The following TMEM178B variants were observed in gnomAD, a reference collection of about 807,000 sequenced individuals.
TMEM178B encodes the protein transmembrane protein 178B.
In TMEM178B, 5 loss-of-function variants were observed where a neutral mutation model predicts 31.0. The ratio of observed to expected loss-of-function variants is 0.16; its 90% CI spans 0.08 to 0.34. The LOEUF (loss-of-function observed/expected upper bound fraction) is 0.34. Ranked by LOEUF, TMEM178B falls within the 10% of genes least tolerant of loss-of-function variation. The probability of loss-of-function intolerance (pLI) is 1.00; values close to 1 mark genes in which losing one functional copy is unlikely to be tolerated. For synonymous variants in TMEM178B, 164 were observed against 164.0 expected, an observed-to-expected ratio of 1.00 and a Z score of 0.00; for missense variants, 275 against 400.3, an observed-to-expected ratio of 0.69 and a Z score of 2.67.
chr7:141,297,756 C>T (rs1163150016), intron 2 of TMEM178B, among the ~76,000 whole-genome samples: 1 of 152,138 alleles, frequency 6.6e-6, no homozygotes, highest in African/African-American at 2.4e-5. Context: ...CAGTCTATCA[C>T]TGATGGACAT....
chr7:141,429,190 C>G (rs1160217576), intron 2 of TMEM178B, among the ~76,000 whole-genome samples: 1 of 152,106 alleles, frequency 6.6e-6, no homozygotes, highest in African/African-American at 2.4e-5. Context: ...AAATTGAAAT[C>G]AGTATGTTAA....
At chr7:141,137,621 G>A (rs1795696744) in intron 1 of TMEM178B, among the ~76,000 whole-genome samples, 1 of 152,110 alleles carries the variant, frequency 6.6e-6, no homozygotes, top group South Asian at 2.1e-4. Context: ...TAATAGGGTG[G>A]CTATAGTTAA....
chr7:141,289,967 C>A lies in TMEM178B; in HGVS notation c.496+77263C>A, dbSNP rs140043012. Among the ~76,000 whole-genome samples, 4 of 151,658 alleles carry A rather than the reference C, an allele frequency of 2.6e-5. No individual in the cohort carries two copies. The East Asian group carries it at 7.8e-4, about 29-fold the overall frequency. ...GACCAGCCTGGGCAACATAGTGAGA[C>A]CTTGTCTCTCCTCCCCGCAACAAAA... On this transcript the variant is annotated intron_variant, in intron 2 of 3. Transcript: ENST00000565468.
At chr7:141,282,288 G>T (rs1208927637) in intron 2 of TMEM178B, among the ~76,000 whole-genome samples, 1 of 152,216 alleles carries the variant, frequency 6.6e-6, no homozygotes, top group Non-Finnish European at 1.5e-5. Flanking sequence ...TTTGCCAATT[G>T]TGAGGCTTCT....
rs924765250 is a variant in TMEM178B at position 141,288,205 on chromosome 7, T to C, written c.496+75501T>C. 5.0e-5 allele frequency among the ~76,000 whole-genome samples: 7 copies of C among 140,248 alleles called. 1 individual carries two copies. The highest frequency in any genetic ancestry group is 4.4e-4 in the South Asian group (2 of 4,538). The allele number at this position is 140,248 out of a possible 152,430, so 92.0% of individuals were successfully genotyped here. On this transcript the variant is annotated intron_variant, in intron 2 of 3. Coordinates refer to ENST00000565468, the MANE Select transcript of TMEM178B (RefSeq NM_001195278.2). The stretch of plus-strand genomic sequence containing the variant: ...TTAGATGCCTCTACTCTTTTTTTTT[T>C]TCCCCCTCTGGGATTGTTTGTGATT...
intron 2 of TMEM178B, among the ~76,000 whole-genome samples, chr7:141,316,454 A>G (rs918317563): frequency 6.6e-6 from 1 of 152,190 alleles, no homozygotes; most frequent in Non-Finnish European, 1.5e-5. Flanking sequence ...ATTCTAAGTC[A>G]GAGAGTTGAT....
At chr7:141,234,241 C>T (rs1797492670) in intron 2 of TMEM178B, among the ~76,000 whole-genome samples, 1 of 152,122 alleles carries the variant, frequency 6.6e-6, no homozygotes, top group South Asian at 2.1e-4. Context: ...CAATAAAGGG[C>T]ACATTGGGGC....
At position 141,477,387 on chromosome 7, in the gene TMEM178B, G is replaced by A. The variant is rs1425453054; in HGVS notation, c.*6601G>A. 1 of 153,034 alleles carries A rather than the reference G, an allele frequency of 6.5e-6. No individual in the cohort carries two copies. Among genetic ancestry groups the A allele is most frequent in the African/African-American group, 2.4e-5 (1 of 41,438 alleles). 9.5% of individuals were successfully genotyped at this position (153,034 alleles called of 1,614,324 possible). A position where few individuals can be genotyped will look rare whatever the true frequency, so the allele number is the denominator to read the frequency against. ...CGGCCCTAAAATCCTGAGTTAGGGT[G>A]GGATATGAAGGGAGGGATACCATTG... On this transcript the variant is annotated 3_prime_UTR_variant, in exon 4 of 4. Transcript: ENST00000565468.
chr7:141,260,970 G>A (rs1798003455), intron 2 of TMEM178B, among the ~76,000 whole-genome samples: 1 of 152,118 alleles, frequency 6.6e-6, no homozygotes, highest in Admixed American at 6.6e-5. Flanking sequence ...AGGCTTTATG[G>A]TAAGAAAGCT....
intron 2 of TMEM178B, among the ~76,000 whole-genome samples, chr7:141,226,662 G>A (rs943332599): frequency 6.6e-6 from 1 of 151,940 alleles, no homozygotes; most frequent in African/African-American, 2.4e-5. Context: ...AGACCAGCCT[G>A]GTCAATATGC....
intron 2 of TMEM178B, among the ~76,000 whole-genome samples, chr7:141,315,617 A>G (rs1433258688): frequency 1.3e-5 from 2 of 152,198 alleles, no homozygotes; most frequent in Non-Finnish European, 2.9e-5. Flanking sequence ...ACTTTCTGGT[A>G]TCTTTTGCAT....
chr7:141,146,366 C>T (rs372700717), intron 1 of TMEM178B, among the ~76,000 whole-genome samples: 21 of 152,256 alleles, frequency 1.4e-4, no homozygotes, highest in African/African-American at 5.1e-4. Context: ...TAGTGGCCTG[C>T]GAATTACTCT....
At chr7:141,262,764 G>A (rs1798034697) in intron 2 of TMEM178B, among the ~76,000 whole-genome samples, 1 of 152,078 alleles carries the variant, frequency 6.6e-6, no homozygotes, top group African/African-American at 2.4e-5. Context: ...GTAAGTGACT[G>A]ATACAGCCCT....
chr7:141,110,843 C>T (rs181171229), intron 1 of TMEM178B, among the ~76,000 whole-genome samples: 378 of 152,192 alleles, frequency 2.5e-3, no homozygotes, highest in Non-Finnish European at 4.8e-3. Flanking sequence ...CATTGGTCTC[C>T]TTGTAAGAAG....
intron 2 of TMEM178B, among the ~76,000 whole-genome samples, chr7:141,215,316 T>TTTATTATTATTATTATTA (rs1021886023): frequency 3.5e-5 from 5 of 144,190 alleles, no homozygotes; most frequent in Non-Finnish European, 6.1e-5. Context: ...GGTTATCATC[T>TTTATTATTATTATTATTA]TTATTATTAT....
intron 1 of TMEM178B, among the ~76,000 whole-genome samples, chr7:141,203,095 T>C (rs1796905079): frequency 6.6e-6 from 1 of 152,220 alleles, no homozygotes; most frequent in African/African-American, 2.4e-5. Context: ...ATCTGATAAA[T>C]GGCCTTCTTA....
At chr7:141,184,728 C>G (rs947162980) in intron 1 of TMEM178B, among the ~76,000 whole-genome samples, 1 of 152,148 alleles carries the variant, frequency 6.6e-6, no homozygotes, top group African/African-American at 2.4e-5. Context: ...CAACACATCC[C>G]CCTGCATTTG....
chr7:141,102,591 A>C (rs981782400), intron 1 of TMEM178B, among the ~76,000 whole-genome samples: 6 of 152,202 alleles, frequency 3.9e-5, no homozygotes, highest in African/African-American at 1.4e-4. Context: ...GTTTCTAAGC[A>C]TATGCAGGTT....
chr7:141,502,639 G>A, the TMEM178B span, among the ~76,000 whole-genome samples: 1 of 152,136 alleles, frequency 6.6e-6, no homozygotes. Flanking sequence ...GCATGGTAGT[G>A]CATGCCTGTA....
Sources: gnomAD v4.1 joint callset for allele counts (sites outside exome capture counted in the v4.1 genomes callset) on GRCh38, gnomAD v4.1.1 for gene constraint, MANE v1.5 for transcripts, NCBI Gene and HGNC (gene_info 2026-07-23, HGNC 2026-07-21) for gene names.